Variants in TPM1 observed in about 807,000 individuals in gnomAD.
TPM1 encodes the protein tropomyosin alpha-1 chain.
Under a neutral mutation model 42.9 loss-of-function variants are expected in TPM1, and 24 were observed. The ratio of observed to expected loss-of-function variants is 0.56; its 90% CI spans 0.41 to 0.79. The LOEUF is 0.79. TPM1 is among the 30% of genes least tolerant of loss of function. The pLI is 0.00. For synonymous variants in TPM1, 136 were observed against 130.1 expected, an observed-to-expected ratio of 1.05 and a Z score of -0.31; for missense variants, 158 against 351.8, an observed-to-expected ratio of 0.45 and a Z score of 4.41.
chr15:63,047,754 ATG>A (rs2032714916), intron 2 of TPM1: 1 of 152,908 alleles, frequency 6.5e-6, no homozygotes, highest in South Asian at 2.0e-4. Flanking sequence ...GTTTTTAACT[ATG>A]TACAAGGTAT....
chr15:63,066,891 T>C (rs1274650418), downstream of TPM1, among the ~76,000 whole-genome samples: 11 of 57,312 alleles, frequency 1.9e-4, no homozygotes, highest in African/African-American at 6.4e-4. Flanking sequence ...GCAATGAAAG[T>C]TTCTTTTTTT....
chr15:63,043,398 A>G, intron 1 of TPM1: 2 of 608,998 alleles, frequency 3.3e-6, no homozygotes, highest in Non-Finnish European at 6.1e-6. Flanking sequence ...CTAAGAACAA[A>G]GATGGGGCGG....
At chr15:63,061,922 T>A in intron 6 of TPM1, 134 bp downstream of exon 6, 1 of 804,820 alleles carries the variant, frequency 1.2e-6, no homozygotes, top group Non-Finnish European at 2.1e-6. Flanking sequence ...GGAGAGTTAC[T>A]AGATAACAAA....
chr15:63,061,170 C>G (rs1596379254), intron 5 of TPM1: 1 of 1,611,110 alleles, frequency 6.2e-7, no homozygotes, highest in East Asian at 2.2e-5. Context: ...TGTGAATGGC[C>G]TTGTGCATTT....
chr15:63,063,245 G>A (rs1351415261), intron 8 of TPM1: 1 of 985,262 alleles, frequency 1.0e-6, no homozygotes, highest in African/African-American at 1.7e-5. Flanking sequence ...AGGATTAGCT[G>A]TGAACAAGAA....
At position 63,065,702 on chromosome 15, in the gene TPM1, C is replaced by T. The variant is rs541062660; in HGVS notation, c.852-194C>T. 6.2e-6 allele frequency: 6 copies of T among 962,780 alleles called. No homozygotes were observed. In the East Asian group the frequency reaches 5.8e-4, roughly 92 times the overall value. 59.6% of individuals were successfully genotyped at this position (962,780 alleles called of 1,614,324 possible). A position where few individuals can be genotyped will look rare whatever the true frequency, so the allele number is the denominator to read the frequency against. ...GGGTCTTCTTAAAATGGACCCTTGC[C>T]GAAAGGCGGCCTGTGACGGCCTCAG... On this transcript the variant is annotated intron_variant, in intron 9 of 9. Transcript: ENST00000403994.
intron 2 of TPM1, chr15:63,048,261 C>CCAGGT (rs2032864890): frequency 1.8e-6 from 1 of 540,666 alleles, no homozygotes; most frequent in Admixed American, 2.3e-5. Flanking sequence ...GCCCAGCTCA[C>CCAGGT]CAGGTACCCC....
At chr15:63,052,504 CAG>C (rs2034090447) in intron 2 of TPM1, among the ~76,000 whole-genome samples, 1 of 149,260 alleles carries the variant, frequency 6.7e-6, no homozygotes, top group Non-Finnish European at 1.5e-5. Flanking sequence ...GCCTGGGAGA[CAG>C]AGCTAGACTC....
downstream of TPM1, chr15:63,070,601 G>A (rs2036554633): frequency 9.9e-7 from 1 of 1,006,894 alleles, no homozygotes; most frequent in Non-Finnish European, 1.2e-6. Context: ...TTTTTTATGA[G>A]CAACAGAAAT....
chr15:63,063,384 C>G, intron 8 of TPM1: 1 of 985,298 alleles, frequency 1.0e-6, no homozygotes, highest in South Asian at 4.7e-5. Context: ...CAAAGTGCAG[C>G]AAAGTATGAA....
Position 63,042,911 on chromosome 15 carries a change from G to C in TPM1, c.82G>C (p.Asp28His), listed in dbSNP as rs397516391. The C allele has an allele frequency of 1.9e-6, 3 of 1,609,256 alleles. No individual in the cohort carries two copies. The highest frequency in any genetic ancestry group is 4.5e-5 in the East Asian group (2 of 44,716). ...ALDRAEQAEADKKAAEDRSKQ... is the reference protein window; with the variant it reads ...ALDRAEQAEAHKKAAEDRSKQ... ...GGATCGAGCTGAGCAGGCGGAGGCC[G>C]ACAAGAAGGCGGCGGAAGACAGGAG... Residue 28 changes from aspartate (D) to histidine (H), a missense_variant, in exon 1 of 10, where the codon GAC becomes CAC. This residue lies in a region of TPM1 where 24 missense variants were observed against 26.8 expected (regional missense o/e 0.89). Coordinates refer to ENST00000403994, the MANE Select transcript of TPM1 (RefSeq NM_001018005.2).
intron 9 of TPM1, 104 bp downstream of exon 9, chr15:63,064,246 T>G: frequency 1.3e-6 from 2 of 1,549,894 alleles, no homozygotes; most frequent in Non-Finnish European, 1.7e-6. Flanking sequence ...TTTGCACTCT[T>G]GTGTTCACCC....
At chr15:63,069,768 C>A, downstream of TPM1, 1 of 1,452,916 alleles carries the variant, frequency 6.9e-7, no homozygotes, top group Non-Finnish European at 9.6e-7. Flanking sequence ...TGCTGTCCTG[C>A]TTGAGGTCTC....
chr15:63,068,453 A>C (rs756832502), downstream of TPM1, among the ~76,000 whole-genome samples: 1 of 152,226 alleles, frequency 6.6e-6, no homozygotes, highest in Non-Finnish European at 1.5e-5. Context: ...CATAACGAGC[A>C]TAGCATCCTC....
intron 2 of TPM1, 198 bp from the exon 3 acceptor site, chr15:63,056,787 A>G (rs1039451400): frequency 1.4e-6 from 1 of 690,656 alleles, no homozygotes; most frequent in Non-Finnish European, 2.6e-6. Flanking sequence ...ATACACAAAT[A>G]TGGATGTTCA....
At chr15:63,061,307 T>A (rs992135761) in intron 5 of TPM1, 10 of 1,605,450 alleles carry the variant, frequency 6.2e-6, no homozygotes, top group Non-Finnish European at 8.5e-6. Flanking sequence ...TAGGTTTAAC[T>A]GCAACCCAGA....
intron 7 of TPM1, 139 bp downstream of exon 7, chr15:63,062,416 G>T: frequency 8.1e-7 from 1 of 1,233,968 alleles, no homozygotes; most frequent in East Asian, 2.5e-5. Context: ...TTTATGTACT[G>T]TGCTAACTGC....
chr15:63,055,645 A>T (rs1247288581), intron 2 of TPM1: 3 of 152,200 alleles, frequency 2.0e-5, no homozygotes, highest in Non-Finnish European at 2.9e-5. Flanking sequence ...GAAATTTGTT[A>T]TCCTATTACC....
chr15:63,046,809 A>G (rs1230585341), intron 2 of TPM1: 1 of 152,558 alleles, frequency 6.6e-6, no homozygotes, highest in Non-Finnish European at 1.5e-5. Context: ...TTTAAAACCC[A>G]AAGTTAGGAT....
Sources: gnomAD v4.1 joint callset for allele counts (sites outside exome capture counted in the v4.1 genomes callset) on GRCh38, gnomAD v4.1.1 for gene constraint, gnomAD v4.1.1 regional missense constraint, MANE v1.5 for transcripts, NCBI Gene and HGNC (gene_info 2026-07-23, HGNC 2026-07-21) for gene names.